Variants in ZNF236 observed in about 807,000 individuals in gnomAD.
ZNF236 encodes the protein zinc finger protein 236.
A neutral mutation model predicts 191.2 loss-of-function variants in ZNF236; 50 were observed. That is an observed-to-expected ratio of 0.26 (90% CI 0.21 to 0.33). ZNF236 has a LOEUF of 0.33. Among genes scored for constraint, ZNF236 ranks in the 10% least tolerant of loss-of-function variants. The probability of loss-of-function intolerance (pLI) is 1.00; values close to 1 mark genes in which losing one functional copy is unlikely to be tolerated. For synonymous variants in ZNF236, 907 were observed against 928.8 expected (o/e 0.98, Z 0.43); for missense variants, 1,754 against 2,374.5 (o/e 0.74, Z 5.43).
intron 10 of ZNF236, among the ~76,000 whole-genome samples, chr18:76,898,463 C>T (rs1000869412): frequency 6.6e-6 from 1 of 152,198 alleles, no homozygotes; most frequent in Non-Finnish European, 1.5e-5. Flanking sequence ...TTTACATTTT[C>T]ATTTGCTGAT....
At chr18:76,946,722 TTC>T (rs997872515) in intron 26 of ZNF236, among the ~76,000 whole-genome samples, 2 of 152,240 alleles carry the variant, frequency 1.3e-5, no homozygotes, top group African/African-American at 4.8e-5. Context: ...ACCTTTCTCA[TTC>T]TCTCGTATTC....
intron 27 of ZNF236, among the ~76,000 whole-genome samples, chr18:76,947,957 A>G (rs1308485180): frequency 1.3e-5 from 2 of 152,106 alleles, no homozygotes; most frequent in East Asian, 1.9e-4. Context: ...ATCTTATTAT[A>G]TTTGCCTGCT....
chr18:76,864,239 G>T (rs1976332630), intron 3 of ZNF236, among the ~76,000 whole-genome samples: 1 of 138,998 alleles, frequency 7.2e-6, no homozygotes, highest in South Asian at 2.2e-4. Context: ...TCACTTTGTT[G>T]CCGAGGCTGG....
At chr18:76,893,793 G>A (rs604044) in intron 9 of ZNF236, among the ~76,000 whole-genome samples, 51,801 of 152,234 alleles carry the variant, frequency 0.34, 9,170 homozygotes, top group East Asian at 0.52. Flanking sequence ...GATTACAGGC[G>A]TGAGCCACTG....
chr18:76,908,470 G>GA lies in ZNF236; in HGVS notation c.2450dup (p.Asn817LysfsTer34). 1 of 1,614,172 alleles carries GA rather than the reference G, an allele frequency of 6.2e-7. No individual in the cohort carries two copies. The highest frequency in any genetic ancestry group is 8.5e-7 in the Non-Finnish European group (1 of 1,180,048). On this transcript the variant is annotated frameshift_variant, in exon 14 of 31. Transcript: ENST00000320610. LOFTEE classifies it high-confidence loss of function. The stretch of plus-strand genomic sequence containing the variant: ...CGCAGACGGCAGAGGTGGTCGCAGC[G>GA]AACCCCGAGGCCATGCTGGACCTGG...
chr18:76,916,798 G>A (rs1291173617), intron 19 of ZNF236, among the ~76,000 whole-genome samples: 1 of 152,164 alleles, frequency 6.6e-6, no homozygotes, highest in Non-Finnish European at 1.5e-5. Context: ...CAGTTGGTGC[G>A]CAGTGTTGTC....
intron 16 of ZNF236, 108 bp downstream of exon 16, chr18:76,910,919 T>TACAAGAAGTGAGCATGC: frequency 8.0e-7 from 1 of 1,242,802 alleles, no homozygotes; most frequent in Non-Finnish European, 1.1e-6. Context: ...AGAGGCATGC[T>TACAAGAAGTGAGCATGC]CACTTCTTGT....
chr18:76,965,542 G>A (rs957367348), intron 30 of ZNF236, among the ~76,000 whole-genome samples: 1 of 152,218 alleles, frequency 6.6e-6, no homozygotes, highest in Non-Finnish European at 1.5e-5. Context: ...GTCTAGGGCC[G>A]AAGGCTGTTG....
chr18:76,928,130 A>G, intron 25 of ZNF236, 24 bp downstream of exon 25: 2 of 1,587,194 alleles, frequency 1.3e-6, no homozygotes, highest in Non-Finnish European at 1.7e-6. Context: ...AATTTTAAAC[A>G]TCTTTTCACC....
At chr18:76,955,341 C>T (rs920007729) in intron 27 of ZNF236, among the ~76,000 whole-genome samples, 1 of 152,114 alleles carries the variant, frequency 6.6e-6, no homozygotes, top group Admixed American at 6.6e-5. Flanking sequence ...TGCTTGAGCC[C>T]AGGAGTTTGA....
At chr18:76,935,019 T>C (rs1462726436) in intron 25 of ZNF236, among the ~76,000 whole-genome samples, 4 of 152,220 alleles carry the variant, frequency 2.6e-5, no homozygotes, top group South Asian at 2.1e-4. Flanking sequence ...GGAGGAACAG[T>C]GGTTTCAGAA....
chr18:76,849,949 T>A (rs143814709), intron 2 of ZNF236, among the ~76,000 whole-genome samples: 6 of 152,216 alleles, frequency 3.9e-5, no homozygotes, highest in African/African-American at 1.4e-4. Flanking sequence ...TTAAAAGTAG[T>A]TTCAATTTCC....
At chr18:76,895,321 C>T in intron 10 of ZNF236, 36 bp downstream of exon 10, 1 of 1,592,104 alleles carries the variant, frequency 6.3e-7, no homozygotes, top group Non-Finnish European at 8.5e-7. Context: ...CGGGCACTGG[C>T]CACGGGGGCC....
chr18:76,971,153 A>G lies in ZNF236; in HGVS notation c.*2814A>G, dbSNP rs924326141. The stretch of plus-strand genomic sequence containing the variant: ...GAAGGTGGGGTGCAGGTACTGAGGA[A>G]GCAGGAGGCATGTAGCATGTGTGGA... On this transcript the variant is annotated 3_prime_UTR_variant, in exon 31 of 31. Transcript: ENST00000320610. 2.0e-5 allele frequency among the ~76,000 whole-genome samples: 3 copies of G among 152,270 alleles called. No homozygotes were observed. Among genetic ancestry groups the G allele is most frequent in the Admixed American group, 6.5e-5 (1 of 15,288 alleles).
At chr18:76,898,278 T>G (rs1160831401) in intron 10 of ZNF236, 1 of 152,248 alleles carries the variant, frequency 6.6e-6, no homozygotes, top group African/African-American at 2.4e-5. Flanking sequence ...TTCTGAATTG[T>G]GCACTCTACA....
chr18:76,885,882 A>C (rs754415688), intron 9 of ZNF236: 4 of 152,216 alleles, frequency 2.6e-5, no homozygotes, highest in Admixed American at 6.5e-5. Flanking sequence ...GCTGATGAGA[A>C]TATCTGTAAA....
At chr18:76,895,342 C>A (rs1335420488) in intron 10 of ZNF236, 57 bp downstream of exon 10, 44 of 1,583,586 alleles carry the variant, frequency 2.8e-5, no homozygotes, top group Non-Finnish European at 3.7e-5. Flanking sequence ...ACACACATTA[C>A]TGCGCACATA....
At position 76,910,658 on chromosome 18, in the gene ZNF236, A is replaced by G. The variant is rs1361511017; in HGVS notation, c.2654-2A>G. ...GAACTCCTCTTTTCTAATTTATTTT[A>G]GGTTTTACAGTGACTGATACGTACC... On this transcript the variant is annotated splice_acceptor_variant, in intron 15 of 30. Transcript: ENST00000320610. LOFTEE classifies it high-confidence loss of function. 5.6e-6 allele frequency: 9 copies of G among 1,610,468 alleles called. No homozygotes were observed. The highest frequency in any genetic ancestry group is 6.8e-6 in the Non-Finnish European group (8 of 1,178,512).
chr18:76,833,122 A>G (rs1463313127), intron 1 of ZNF236, among the ~76,000 whole-genome samples: 1 of 152,006 alleles, frequency 6.6e-6, no homozygotes, highest in Non-Finnish European at 1.5e-5. Flanking sequence ...TTCTTTTGGA[A>G]TTTTCTCTGT....
Sources: gnomAD v4.1 joint callset for allele counts (sites outside exome capture counted in the v4.1 genomes callset) on GRCh38, gnomAD v4.1.1 for gene constraint, MANE v1.5 for transcripts, NCBI Gene and HGNC (gene_info 2026-07-23, HGNC 2026-07-21) for gene names.